GTF2A1L: variants seen among roughly 807,000 people sequenced by gnomAD.
GTF2A1L encodes the protein TFIIA-alpha and beta-like factor.
Under a neutral mutation model 49.7 loss-of-function variants are expected in GTF2A1L, and 48 were observed. The ratio of observed to expected loss-of-function variants is 0.97; its 90% CI spans 0.77 to 1.23. GTF2A1L has a LOEUF of 1.23. Ranked by LOEUF, GTF2A1L falls within the 50% of genes most tolerant of loss-of-function variation. The probability of loss-of-function intolerance (pLI) is 0.00; values close to 1 mark genes in which losing one functional copy is unlikely to be tolerated. For synonymous variants in GTF2A1L, 246 were observed against 193.5 expected (o/e 1.27, Z -2.25); for missense variants, 736 against 564.8 (o/e 1.30, Z -3.07).
intron 3 of GTF2A1L, among the ~76,000 whole-genome samples, chr2:48,635,117 A>G (rs1676815630): frequency 6.6e-6 from 1 of 152,062 alleles, no homozygotes; most frequent in African/African-American, 2.4e-5. Flanking sequence ...TGGAGTGGAG[A>G]GGGCCTTCCT....
At chr2:48,678,900 G>A (rs1288622653) in intron 8 of GTF2A1L, among the ~76,000 whole-genome samples, 2 of 151,928 alleles carry the variant, frequency 1.3e-5, no homozygotes, top group African/African-American at 4.8e-5. Flanking sequence ...TATCTGGAAT[G>A]CTCCTGAGTA....
Position 48,669,439 on chromosome 2 carries a change from CG to C in GTF2A1L, c.979-281del, listed in dbSNP as rs1679047278. On this transcript the variant is annotated intron_variant, in intron 6 of 8. Transcript: ENST00000403751. ...TAATAGGTACTATATAAATTTAAGA[CG>C]GTATGTATAAAAACTGGTAAATATT... is the stretch of plus-strand genomic sequence containing the variant. 2.0e-5 allele frequency among the ~76,000 whole-genome samples: 3 copies of C among 151,976 alleles called. No homozygotes were observed. In the South Asian group the frequency reaches 6.2e-4, roughly 32 times the overall value.
At chr2:48,666,582 A>AGG (rs777904092) in intron 6 of GTF2A1L, among the ~76,000 whole-genome samples, 31 of 97,188 alleles carry the variant, frequency 3.2e-4, no homozygotes, top group East Asian at 7.3e-4. Context: ...TCAACTTGTC[A>AGG]GGGTGTGTGT....
intron 6 of GTF2A1L, among the ~76,000 whole-genome samples, chr2:48,649,721 C>A (rs1006113161): frequency 3.3e-5 from 5 of 152,182 alleles, no homozygotes; most frequent in Non-Finnish European, 7.3e-5. Flanking sequence ...CTGGTTGTGT[C>A]TTTTCTCCAC....
chr2:48,623,306 C>G (rs1314796589), intron 3 of GTF2A1L, among the ~76,000 whole-genome samples: 1 of 152,154 alleles, frequency 6.6e-6, no homozygotes, highest in African/African-American at 2.4e-5. Context: ...ATTAAATCTA[C>G]AATTCAATAA....
chr2:48,638,100 C>T (rs994680728), intron 3 of GTF2A1L, among the ~76,000 whole-genome samples: 2 of 152,022 alleles, frequency 1.3e-5, no homozygotes, highest in Non-Finnish European at 2.9e-5. Flanking sequence ...AGCCTACCAA[C>T]CAAAAAAAGC....
At chr2:48,668,597 C>A (rs752556037) in intron 6 of GTF2A1L, 1 of 152,112 alleles carries the variant, frequency 6.6e-6, no homozygotes, top group African/African-American at 2.4e-5. Context: ...TTTGGGAGGC[C>A]GAGGCGGGCG....
intron 6 of GTF2A1L, among the ~76,000 whole-genome samples, chr2:48,667,253 C>A (rs1234395329): frequency 6.6e-6 from 1 of 151,986 alleles, no homozygotes; most frequent in Non-Finnish European, 1.5e-5. Flanking sequence ...GTGGCCATGC[C>A]CAGCCTCATT....
intron 8 of GTF2A1L, among the ~76,000 whole-genome samples, chr2:48,673,969 C>G (rs1056307249): frequency 6.6e-6 from 1 of 152,144 alleles, no homozygotes; most frequent in Admixed American, 6.5e-5. Flanking sequence ...GACTTTCCTG[C>G]TTCTGCCATT....
intron 8 of GTF2A1L, among the ~76,000 whole-genome samples, chr2:48,671,982 G>C (rs886065688): frequency 2.0e-5 from 3 of 152,186 alleles, no homozygotes; most frequent in Admixed American, 1.3e-4. Flanking sequence ...ATATGTGACA[G>C]GTAAATCAAA....
intron 6 of GTF2A1L, among the ~76,000 whole-genome samples, chr2:48,667,666 A>G (rs1678927542): frequency 6.6e-6 from 1 of 152,222 alleles, no homozygotes; most frequent in Non-Finnish European, 1.5e-5. Flanking sequence ...TTTCCAATGT[A>G]GTAAAAATTA....
At chr2:48,629,500 A>G (rs560063969) in intron 3 of GTF2A1L, among the ~76,000 whole-genome samples, 2 of 143,936 alleles carry the variant, frequency 1.4e-5, no homozygotes, top group South Asian at 2.4e-4. Flanking sequence ...GCTGCCTTGC[A>G]TTTATCACTG....
intron 1 of GTF2A1L, 109 bp from the exon 2 acceptor site, chr2:48,620,742 A>C: frequency 4.6e-6 from 3 of 654,382 alleles, no homozygotes; most frequent in Non-Finnish European, 5.9e-6. Context: ...GTGCCACCGC[A>C]CTCCAGCCTG....
intron 6 of GTF2A1L, among the ~76,000 whole-genome samples, chr2:48,651,893 C>T (rs1166371812): frequency 6.6e-6 from 1 of 151,996 alleles, no homozygotes; most frequent in South Asian, 2.1e-4. Flanking sequence ...ATGTGGTGGA[C>T]GTTTGGCTAT....
intron 6 of GTF2A1L, among the ~76,000 whole-genome samples, chr2:48,648,222 G>GTT (rs34433603): frequency 6.6e-6 from 1 of 151,606 alleles, no homozygotes. Context: ...TTTTATTGAG[G>GTT]TTTTTTTTAC....
intron 3 of GTF2A1L, 156 bp downstream of exon 3, chr2:48,621,446 C>T (rs1002034147): frequency 2.1e-6 from 2 of 959,300 alleles, no homozygotes; most frequent in African/African-American, 1.7e-5. Flanking sequence ...ATCATTGCCC[C>T]ATGTAATTAT....
At chr2:48,678,396 A>G (rs1251257048) in intron 8 of GTF2A1L, among the ~76,000 whole-genome samples, 1 of 151,990 alleles carries the variant, frequency 6.6e-6, no homozygotes, top group East Asian at 1.9e-4. Context: ...AAACCCCCCC[A>G]CAAAAATAGG....
In GTF2A1L at chr2:48,652,845, C is replaced by G. The variant is rs529815185; in HGVS notation, c.978+5803C>G. Reference sequence around the variant, plus strand: ...AAGTAGCTGGGATTACAGGCCTATGCCACCACGCCCAGCTAGTTTTTGTAT... The same window carrying G: ...AAGTAGCTGGGATTACAGGCCTATGGCACCACGCCCAGCTAGTTTTTGTAT... On this transcript the variant is annotated intron_variant, in intron 6 of 8. Coordinates refer to ENST00000403751, the MANE Select transcript of GTF2A1L (RefSeq NM_006872.5). 1.6e-3 allele frequency among the ~76,000 whole-genome samples: 246 copies of G among 151,312 alleles called. 1 individual carries two copies. The highest frequency in any genetic ancestry group is 2.9e-3 in the Non-Finnish European group (197 of 67,860).
intron 5 of GTF2A1L, among the ~76,000 whole-genome samples, chr2:48,645,455 A>G (rs550620430): frequency 6.6e-6 from 1 of 152,162 alleles, no homozygotes; most frequent in Non-Finnish European, 1.5e-5. Context: ...AGCTCTAATT[A>G]CGGATTAAAG....
Sources: gnomAD v4.1 joint callset for allele counts (sites outside exome capture counted in the v4.1 genomes callset) on GRCh38, gnomAD v4.1.1 for gene constraint, MANE v1.5 for transcripts, NCBI Gene and HGNC (gene_info 2026-07-23, HGNC 2026-07-21) for gene names.